The following BRD4 variants were observed in gnomAD, a reference collection of about 807,000 sequenced individuals.
The protein encoded by BRD4 is bromodomain containing 4.
BRD4 carries 16 observed loss-of-function variants against 142.1 expected under a neutral mutation model. The observed-to-expected ratio is 0.11, with a 90% CI of 0.08 to 0.17. The LOEUF is 0.17. BRD4 is among the 10% of genes least tolerant of loss of function. The probability of loss-of-function intolerance (pLI) is 1.00; values close to 1 mark genes in which losing one functional copy is unlikely to be tolerated. For missense variants in BRD4, 1,424 were observed against 1,810.9 expected, an observed-to-expected ratio of 0.79 and a Z score of 3.88; for synonymous variants, 833 against 707.5, an observed-to-expected ratio of 1.18 and a Z score of -2.82.
intron 7 of BRD4, among the ~76,000 whole-genome samples, chr19:15,257,559 C>A (rs773942007): frequency 1.3e-5 from 2 of 152,072 alleles, no homozygotes; most frequent in Non-Finnish European, 2.9e-5. Context: ...CCACCAGATG[C>A]GTGCGGGGGA....
At chr19:15,330,425 TA>T (rs555417427) in intron 1 of BRD4, among the ~76,000 whole-genome samples, 2 of 152,072 alleles carry the variant, frequency 1.3e-5, no homozygotes, top group South Asian at 4.2e-4. Context: ...GATAAAAAGA[TA>T]AAAAACATAA....
chr19:15,251,928 G>T (rs913556349), intron 11 of BRD4, among the ~76,000 whole-genome samples: 1 of 152,204 alleles, frequency 6.6e-6, no homozygotes, highest in East Asian at 1.9e-4. Flanking sequence ...CTGCATGAGC[G>T]GCCAGGGCTG....
intron 1 of BRD4, among the ~76,000 whole-genome samples, chr19:15,283,480 T>A (rs1185654887): frequency 2.0e-5 from 3 of 152,166 alleles, no homozygotes; most frequent in African/African-American, 7.2e-5. Context: ...TTATGACAGC[T>A]TCTATGTGAG....
At position 15,256,248 on chromosome 19, in the gene BRD4, C is replaced by G; in HGVS notation, c.1567G>C (p.Glu523Gln). The G allele has an allele frequency of 6.2e-7, 1 of 1,612,524 alleles. No homozygotes were observed. Among genetic ancestry groups the G allele is most frequent in the Non-Finnish European group, 8.5e-7 (1 of 1,179,866 alleles). ...GGCTGAGAGAGGGCTGCAAGCTGCTCGTGCACGGCTTTGAGCTGTAGACCA... is the reference window on the plus strand; with the variant it reads ...GGCTGAGAGAGGGCTGCAAGCTGCTGGTGCACGGCTTTGAGCTGTAGACCA... ...ELQEQLKAVH[E>Q]QLAALSQPQQ... The change falls in exon 9 of 20, where the codon GAG (glutamate) becomes CAG (glutamine). Residue 523 changes from glutamate to glutamine, a missense_variant. Transcript: ENST00000679869.
chr19:15,266,751 C>A (rs953560178), intron 4 of BRD4, among the ~76,000 whole-genome samples: 2 of 152,194 alleles, frequency 1.3e-5, no homozygotes, highest in Admixed American at 6.5e-5. Context: ...GAGAAGCAAA[C>A]AACTCACACT....
intron 4 of BRD4, 136 bp from the exon 5 acceptor site, chr19:15,265,779 C>T: frequency 1.1e-6 from 1 of 952,042 alleles, no homozygotes; most frequent in South Asian, 1.4e-5. Flanking sequence ...ACATCCCAGA[C>T]TCCACTCTGC....
intron 1 of BRD4, among the ~76,000 whole-genome samples, chr19:15,330,345 G>A (rs1482669716): frequency 6.6e-6 from 1 of 152,192 alleles, no homozygotes; most frequent in Admixed American, 6.5e-5. Context: ...GAAACCCTGA[G>A]TGGTTTATCT....
intron 1 of BRD4, among the ~76,000 whole-genome samples, chr19:15,309,905 T>A (rs1174666363): frequency 6.6e-6 from 1 of 152,082 alleles, no homozygotes; most frequent in Admixed American, 6.6e-5. Flanking sequence ...GAACACTGAG[T>A]GCGGAGAGAG....
intron 1 of BRD4, among the ~76,000 whole-genome samples, chr19:15,313,439 G>A (rs549892839): frequency 6.8e-5 from 10 of 147,740 alleles, no homozygotes; most frequent in East Asian, 2.0e-4. Flanking sequence ...TTGGGAGGCC[G>A]AGGCGGGTGG....
rs200566617 is a variant in BRD4 at position 15,254,213 on chromosome 19, C to T, written c.2097G>A (p.Ser699=). ...CACTGGAGCTCTCCGACTCTGAGGA[C>T]GAGAAGCCCTTCATCTTGGAGGAGC... ...IAGSSKMKGF[S]SSESESSSES... is the part of the protein sequence containing the mutation. The change falls in exon 11 of 20, where the codon TCG becomes TCA. Residue 699 remains serine, a synonymous_variant. Coordinates refer to ENST00000679869, the MANE Select transcript of BRD4 (RefSeq NM_001379291.1). 7.7e-5 allele frequency: 124 copies of T among 1,614,212 alleles called. 1 individual carries two copies. In the East Asian group the frequency reaches 2.3e-3, roughly 30 times the overall value.
intron 1 of BRD4, among the ~76,000 whole-genome samples, chr19:15,320,552 G>A (rs1256754309): frequency 1.3e-5 from 2 of 152,136 alleles, no homozygotes; most frequent in Non-Finnish European, 2.9e-5. Context: ...AATCTTGTAA[G>A]CATTTATTTA....
intron 7 of BRD4, 186 bp from the exon 8 acceptor site, chr19:15,257,359 G>C (rs2047422939): frequency 6.7e-6 from 4 of 595,124 alleles, no homozygotes; most frequent in Middle Eastern, 4.5e-4. Flanking sequence ...GACAACTCTT[G>C]CAACACTCTT....
At chr19:15,267,174 T>C (rs2047542614) in intron 4 of BRD4, among the ~76,000 whole-genome samples, 1 of 152,186 alleles carries the variant, frequency 6.6e-6, no homozygotes, top group African/African-American at 2.4e-5. Context: ...CCTTTTACCC[T>C]AAGTCCATCA....
chr19:15,255,666 ATGT>A (rs2047400538), intron 9 of BRD4, 74 bp from the exon 10 acceptor site: 2 of 1,509,702 alleles, frequency 1.3e-6, no homozygotes, highest in South Asian at 2.6e-5. Context: ...CTCCACATGT[ATGT>A]TGGGGGGAAG....
intron 1 of BRD4, among the ~76,000 whole-genome samples, chr19:15,324,400 T>A (rs1465465519): frequency 6.6e-6 from 1 of 152,228 alleles, no homozygotes; most frequent in South Asian, 2.1e-4. Context: ...CGGATCCCAA[T>A]GACGCCTAGT....
At chr19:15,251,254 T>C (rs577929037) in intron 11 of BRD4, among the ~76,000 whole-genome samples, 358 of 152,194 alleles carry the variant, frequency 2.4e-3, no homozygotes, top group African/African-American at 8.1e-3. Context: ...TCCCGGTCTA[T>C]GGATAGCTAC....
chr19:15,289,695 C>CTGCT (rs2047767157), intron 1 of BRD4, among the ~76,000 whole-genome samples: 1 of 145,896 alleles, frequency 6.9e-6, no homozygotes, highest in African/African-American at 2.5e-5. Context: ...AAAGCCAAAA[C>CTGCT]AGCAGTTACT....
chr19:15,302,502 C>T lies in BRD4; in HGVS notation c.-34-29369G>A, dbSNP rs56183907. Among the ~76,000 whole-genome samples, 3 of 152,010 alleles carry T rather than the reference C, an allele frequency of 2.0e-5. No homozygotes were observed. In the South Asian group the frequency reaches 6.2e-4, roughly 32 times the overall value. ...TGGCCAACATGGCAAAACCCTGTCT[C>T]TACTAAAAATGCAAAAATTAGCCAG... is the stretch of plus-strand genomic sequence containing the variant. On this transcript the variant is annotated intron_variant, in intron 1 of 19. Transcript: ENST00000679869.
intron 1 of BRD4, among the ~76,000 whole-genome samples, chr19:15,319,598 A>G (rs1219221897): frequency 6.6e-6 from 1 of 152,116 alleles, no homozygotes; most frequent in Non-Finnish European, 1.5e-5. Context: ...TGGGCAACAG[A>G]GCAAGACCCT....
Sources: gnomAD v4.1 joint callset for allele counts (sites outside exome capture counted in the v4.1 genomes callset) on GRCh38, gnomAD v4.1.1 for gene constraint, MANE v1.5 for transcripts, NCBI Gene and HGNC (gene_info 2026-07-23, HGNC 2026-07-21) for gene names.